NEIL2: variants seen among roughly 807,000 people sequenced by gnomAD.
NEIL2 encodes the protein nei like DNA glycosylase 2.
A neutral mutation model predicts 22.2 loss-of-function variants in NEIL2; 23 were observed. That is an observed-to-expected ratio of 1.04 (90% CI 0.75 to 1.47). The LOEUF is 1.47. NEIL2 is among the 40% of genes most tolerant of loss of function. NEIL2 has a pLI of 0.00. For missense variants in NEIL2, 583 were observed against 404.7 expected (o/e 1.44, Z -3.78); for synonymous variants, 229 against 164.8 (o/e 1.39, Z -2.99).
At position 11,771,583 on chromosome 8, in the gene NEIL2, C is replaced by T. The variant is rs200789344; in HGVS notation, c.136C>T (p.Gln46Ter). Reference protein sequence around the residue: ...SLQSLWLQDTQVHGKKLFLRF... With the variant: ...SLQSLWLQDT ...GCAGTCTCTGTGGCTCCAGGACACC[C>T]AGGTGAGGTAATACTCCTCTGAAGG... Residue 46 changes from glutamine (Q) to a stop codon, truncating the protein, a stop_gained and splice_region_variant, in exon 2 of 5, where the codon CAG becomes TAG. Transcript: ENST00000284503. LOFTEE classifies it high-confidence loss of function. 4.5e-5 allele frequency: 72 copies of T among 1,613,698 alleles called. No individual in the cohort carries two copies. The South Asian group carries it at 6.7e-4, about 15-fold the overall frequency.
rs1465776802 is a variant in NEIL2 at position 11,786,154 on chromosome 8, G to A, written c.880G>A (p.Gly294Ser). The A allele has an allele frequency of 1.9e-6, 3 of 1,613,858 alleles. No individual in the cohort carries two copies. The African/African-American group carries it at 4.0e-5, about 22-fold the overall frequency. ...CTACCAGAAAGAACAGTGCCCTGCT[G>A]GCCACCAGGTCATGAAGGAGGCGTT... is the stretch of plus-strand genomic sequence containing the variant. ...QVYQKEQCPA[G>S]HQVMKEAFGP... Residue 294 changes from glycine (G) to serine (S), a missense_variant, in exon 5 of 5, where the codon GGC (glycine) becomes AGC (serine). Physicochemically the swap from Gly to Ser is moderately conservative, Grantham distance 56 (BLOSUM62 0). Coordinates refer to ENST00000284503, the MANE Select transcript of NEIL2 (RefSeq NM_145043.4).
intron 2 of NEIL2, among the ~76,000 whole-genome samples, chr8:11,774,550 C>G (rs938042920): frequency 6.6e-6 from 1 of 152,124 alleles, no homozygotes; most frequent in African/African-American, 2.4e-5. Context: ...AGCACAAGTC[C>G]TCACATTTCA....
At chr8:11,782,435 A>G (rs1804508392) in intron 3 of NEIL2, among the ~76,000 whole-genome samples, 1 of 152,130 alleles carries the variant, frequency 6.6e-6, no homozygotes, top group African/African-American at 2.4e-5. Flanking sequence ...CAAAAAAAAC[A>G]CATTATAAGT....
rs888041498 is a variant in NEIL2, at chr8:11,770,161, C to G, written c.-177C>G. ...CGACTCTTCGAAGTCCCTTCCGCGT[C>G]TCATCTTTCAAGGCTGTTGCAGAGG... On this transcript the variant is annotated 5_prime_UTR_variant, in exon 1 of 5. Transcript: ENST00000284503. 5 of 152,226 alleles carry G rather than the reference C, an allele frequency of 3.3e-5. No homozygotes were observed. Among genetic ancestry groups the G allele is most frequent in the Non-Finnish European group, 5.9e-5 (4 of 68,044 alleles). The allele number at this position is 152,226 out of a possible 1,614,324, so 9.4% of individuals were successfully genotyped here. A position where few individuals can be genotyped will look rare whatever the true frequency, so the allele number is the denominator to read the frequency against.
intron 1 of NEIL2, 34 bp from the exon 2 acceptor site, chr8:11,771,412 G>A: frequency 1.1e-5 from 18 of 1,612,532 alleles, no homozygotes; most frequent in Non-Finnish European, 1.5e-5. Context: ...AATGAGCTAA[G>A]TCGGTGGCCT....
At chr8:11,784,570 C>T (rs1329380349) in intron 4 of NEIL2, among the ~76,000 whole-genome samples, 4 of 152,176 alleles carry the variant, frequency 2.6e-5, no homozygotes, top group Non-Finnish European at 4.4e-5. Context: ...ATTTCCTTCA[C>T]CCACTCACTC....
intron 2 of NEIL2, among the ~76,000 whole-genome samples, chr8:11,774,945 C>T (rs1023116201): frequency 5.9e-5 from 9 of 152,244 alleles, no homozygotes; most frequent in Non-Finnish European, 1.2e-4. Flanking sequence ...GGGTACAGTC[C>T]GTCATCCTGG....
Position 11,780,967 on chromosome 8 carries a change from C to A in NEIL2, c.491+1017C>A, listed in dbSNP as rs113219440. On this transcript the variant is annotated intron_variant, in intron 3 of 4. Transcript: ENST00000284503. ...GTTGCCAGTATTGTTTCAAGTCTGT[C>A]CTCTGTCCTTTGATTGTGCTTATGA... Among the ~76,000 whole-genome samples, 588 of 152,112 alleles carry A rather than the reference C, an allele frequency of 3.9e-3. 10 individuals are homozygous for A. The highest frequency in any genetic ancestry group is 0.014 in the African/African-American group (561 of 41,494).
At position 11,779,785 on chromosome 8, in the gene NEIL2, C is replaced by T. The variant is rs376111476; in HGVS notation, c.326C>T (p.Pro109Leu). 2.2e-5 allele frequency: 36 copies of T among 1,614,072 alleles called. No individual in the cohort carries two copies. Among genetic ancestry groups the T allele is most frequent in the Non-Finnish European group, 3.1e-5 (36 of 1,180,052 alleles). ...DGSSRSAELV[P>L]QGEDDSEYLE... Reference sequence around the variant, plus strand: ...TCCTCACGGTCTGCAGAGCTCGTCCCCCAGGGCGAGGATGATTCTGAGTAT... The same window carrying T: ...TCCTCACGGTCTGCAGAGCTCGTCCTCCAGGGCGAGGATGATTCTGAGTAT... Residue 109 changes from proline to leucine, a missense_variant, in exon 3 of 5, where the codon CCC becomes CTC. Coordinates refer to ENST00000284503, the MANE Select transcript of NEIL2 (RefSeq NM_145043.4).
At chr8:11,774,983 CTG>C (rs1803782730) in intron 2 of NEIL2, among the ~76,000 whole-genome samples, 1 of 152,232 alleles carries the variant, frequency 6.6e-6, no homozygotes, top group South Asian at 2.1e-4. Flanking sequence ...CATTGAGTGT[CTG>C]TGTGTTTTCC....
intron 3 of NEIL2, among the ~76,000 whole-genome samples, chr8:11,781,186 C>T (rs573069982): frequency 3.3e-4 from 50 of 152,050 alleles, no homozygotes; most frequent in African/African-American, 1.1e-3. Context: ...TGTGGCCTGA[C>T]GTAGGTACCA....
chr8:11,780,149 G>C (rs1804284951), intron 3 of NEIL2, among the ~76,000 whole-genome samples, 199 bp downstream of exon 3: 1 of 152,092 alleles, frequency 6.6e-6, no homozygotes, highest in Admixed American at 6.5e-5. Context: ...GGAGAGGGTT[G>C]TGCACCAAGA....
intron 2 of NEIL2, among the ~76,000 whole-genome samples, chr8:11,777,049 C>T (rs1585754616): frequency 6.6e-6 from 1 of 152,308 alleles, no homozygotes; most frequent in East Asian, 1.9e-4. Context: ...CACCCTGTCT[C>T]CTCTGCCCTC....
chr8:11,778,930 C>T (rs544140892), intron 2 of NEIL2, among the ~76,000 whole-genome samples: 9 of 104,416 alleles, frequency 8.6e-5, no homozygotes, highest in African/African-American at 1.2e-4. Context: ...CCAGTCTAGG[C>T]GAGACTCCAT....
rs148008492 is a variant in NEIL2, at chr8:11,782,322, G to C, written c.492-881G>C. Among the ~76,000 whole-genome samples, 678 of 152,286 alleles carry C rather than the reference G, an allele frequency of 4.5e-3. 5 individuals are homozygous for C. Among genetic ancestry groups the C allele is most frequent in the Middle Eastern group, 0.014 (4 of 294 alleles). Reference sequence around the variant, plus strand: ...CACCTGTAATCCCAGCTACTCGGGAGGCTGAGGCAGGAGAATCGCTTGAAC... The same window carrying C: ...CACCTGTAATCCCAGCTACTCGGGACGCTGAGGCAGGAGAATCGCTTGAAC... On this transcript the variant is annotated intron_variant, in intron 3 of 4. Coordinates refer to ENST00000284503, the MANE Select transcript of NEIL2 (RefSeq NM_145043.4).
intron 2 of NEIL2, among the ~76,000 whole-genome samples, chr8:11,778,253 C>T (rs1339319164): frequency 6.7e-6 from 1 of 148,932 alleles, no homozygotes; most frequent in African/African-American, 2.5e-5. Flanking sequence ...ATATTTTCTG[C>T]AGCAAATTCT....
At chr8:11,774,963 C>G (rs1803780597) in intron 2 of NEIL2, among the ~76,000 whole-genome samples, 1 of 152,240 alleles carries the variant, frequency 6.6e-6, no homozygotes, top group African/African-American at 2.4e-5. Flanking sequence ...TGGCTGCTTT[C>G]ACAGGCTGGC....
At chr8:11,778,282 C>G (rs942058318) in intron 2 of NEIL2, among the ~76,000 whole-genome samples, 1 of 118,486 alleles carries the variant, frequency 8.4e-6, no homozygotes, top group African/African-American at 3.2e-5. Context: ...CACTTAAATC[C>G]TTGCTCAGTT....
At chr8:11,785,481 C>G (rs1199763996) in intron 4 of NEIL2, among the ~76,000 whole-genome samples, 1 of 152,208 alleles carries the variant, frequency 6.6e-6, no homozygotes, top group Non-Finnish European at 1.5e-5. Context: ...CAGGAATGCG[C>G]CAGGCCAACA....
Sources: allele counts gnomAD v4.1 joint callset (sites outside exome capture counted in the v4.1 genomes callset), GRCh38; gene constraint gnomAD v4.1.1; transcripts MANE v1.5; gene names NCBI Gene and HGNC (gene_info 2026-07-23, HGNC 2026-07-21).